Variants in PCDH9 observed in about 807,000 individuals in gnomAD.
PCDH9 encodes the protein protocadherin 9, also known as protocadherin-9.
Under a neutral mutation model 70.6 loss-of-function variants are expected in PCDH9, and 24 were observed. The observed-to-expected ratio is 0.34, with a 90% CI of 0.25 to 0.48. The LOEUF (loss-of-function observed/expected upper bound fraction) is 0.48. Among genes scored for constraint, PCDH9 ranks in the 20% least tolerant of loss-of-function variants. The pLI, the probability that PCDH9 is intolerant of heterozygous loss-of-function variation, is 0.99. For missense variants in PCDH9, 1,281 were observed against 1,503.6 expected (o/e 0.85, Z 2.45); for synonymous variants, 562 against 558.5 (o/e 1.01, Z -0.09).
intron 2 of PCDH9, among the ~76,000 whole-genome samples, chr13:67,098,767 T>C (rs1432324800): frequency 5.3e-5 from 8 of 151,562 alleles, no homozygotes; most frequent in Non-Finnish European, 1.2e-4. Flanking sequence ...TGCAGAATAA[T>C]ATAGAAAAGA....
At chr13:67,217,799 T>C (rs905709501) in intron 2 of PCDH9, 9 of 151,970 alleles carry the variant, frequency 5.9e-5, no homozygotes, top group Admixed American at 4.6e-4. Context: ...GCATACACAA[T>C]TGAGAGTTTC....
intron 3 of PCDH9, chr13:66,825,336 T>TTTC (rs2139392093): frequency 1.5e-5 from 2 of 133,428 alleles, no homozygotes; most frequent in Non-Finnish European, 3.1e-5. Context: ...TATAAAAACT[T>TTTC]TTTTTTTTTT....
chr13:67,168,078 C>T (rs1437596026), intron 2 of PCDH9, among the ~76,000 whole-genome samples: 1 of 152,132 alleles, frequency 6.6e-6, no homozygotes, highest in African/African-American at 2.4e-5. Context: ...GAGAAGAAAA[C>T]ATACTGATAA....
chr13:66,629,480 G>A (rs191202949), intron 4 of PCDH9, among the ~76,000 whole-genome samples: 23 of 152,304 alleles, frequency 1.5e-4, no homozygotes, highest in Admixed American at 7.2e-4. Flanking sequence ...CAGAAGTCTG[G>A]AGAAGGTTGA....
intron 4 of PCDH9, among the ~76,000 whole-genome samples, chr13:66,468,489 A>T (rs1246644589): frequency 1.3e-5 from 2 of 152,190 alleles, no homozygotes; most frequent in Non-Finnish European, 2.9e-5. Flanking sequence ...CATTTTTATT[A>T]ACCTACTCTC....
intron 4 of PCDH9, among the ~76,000 whole-genome samples, chr13:66,352,955 T>C (rs1810125960): frequency 6.6e-6 from 1 of 152,130 alleles, no homozygotes; most frequent in Admixed American, 6.6e-5. Flanking sequence ...ATGATAGCCA[T>C]GACCTAATGC....
intron 3 of PCDH9, among the ~76,000 whole-genome samples, chr13:66,733,187 T>G (rs1315034927): frequency 1.3e-5 from 2 of 152,112 alleles, no homozygotes; most frequent in Non-Finnish European, 2.9e-5. Context: ...TTTTATAAAC[T>G]TAGTCATTAG....
intron 3 of PCDH9, among the ~76,000 whole-genome samples, chr13:66,801,349 T>C (rs2080323459): frequency 6.6e-6 from 1 of 152,098 alleles, no homozygotes; most frequent in Non-Finnish European, 1.5e-5. Context: ...TTCCTGTGTG[T>C]TCTAGGACAA....
At chr13:66,865,900 T>C (rs1195076751) in intron 3 of PCDH9, among the ~76,000 whole-genome samples, 1 of 152,252 alleles carries the variant, frequency 6.6e-6, no homozygotes, top group African/African-American at 2.4e-5. Flanking sequence ...GAAATGTATA[T>C]GGCCTGTGTA....
intron 3 of PCDH9, among the ~76,000 whole-genome samples, chr13:66,839,599 C>T (rs1015316173): frequency 2.0e-5 from 3 of 152,180 alleles, no homozygotes; most frequent in Admixed American, 6.5e-5. Flanking sequence ...ATCTTCATCT[C>T]CCTGTCTCCA....
chr13:67,205,735 ACTCT>A (rs1033671923), intron 2 of PCDH9: 2 of 152,136 alleles, frequency 1.3e-5, no homozygotes, highest in African/African-American at 2.4e-5. Flanking sequence ...TGCATCCATA[ACTCT>A]CTATTTCATT....
At chr13:67,142,559 A>G (rs912419824) in intron 2 of PCDH9, among the ~76,000 whole-genome samples, 18 of 152,190 alleles carry the variant, frequency 1.2e-4, no homozygotes, top group African/African-American at 4.1e-4. Flanking sequence ...TATGTGCTCA[A>G]TAGAATGTGA....
chr13:66,675,339 T>A (rs1352373977), intron 3 of PCDH9, among the ~76,000 whole-genome samples: 1 of 152,140 alleles, frequency 6.6e-6, no homozygotes, highest in African/African-American at 2.4e-5. Context: ...TGTCACGCAA[T>A]TTAAAATAAT....
At chr13:66,408,434 A>AT (rs1343547011) in intron 4 of PCDH9, among the ~76,000 whole-genome samples, 2 of 152,206 alleles carry the variant, frequency 1.3e-5, no homozygotes, top group Non-Finnish European at 2.9e-5. Context: ...TTTTCTCTGG[A>AT]TATACATTTT....
intron 2 of PCDH9, among the ~76,000 whole-genome samples, chr13:67,198,207 G>A (rs921066789): frequency 6.6e-5 from 10 of 151,404 alleles, no homozygotes; most frequent in African/African-American, 2.2e-4. Flanking sequence ...TTGCAAATAT[G>A]TCAAGGGGAA....
chr13:66,788,623 T>C lies in PCDH9; in HGVS notation c.3138+114881A>G, dbSNP rs866645304. On this transcript the variant is annotated intron_variant, in intron 3 of 4. Transcript: ENST00000377865. ...CAGGTTGAAACTTCAGTCTATCATCTCCCAGGGTACAAAGCTAAACAGTAA... is the reference window on the plus strand; with the variant it reads ...CAGGTTGAAACTTCAGTCTATCATCCCCCAGGGTACAAAGCTAAACAGTAA... 3.7e-3 allele frequency among the ~76,000 whole-genome samples: 537 copies of C among 147,054 alleles called. 16 individuals are homozygous for C. The highest frequency in any genetic ancestry group is 1.2e-3 in the East Asian group (6 of 4,830).
At chr13:66,525,151 CCTT>C (rs1446742277) in intron 4 of PCDH9, among the ~76,000 whole-genome samples, 1 of 152,016 alleles carries the variant, frequency 6.6e-6, no homozygotes, top group African/African-American at 2.4e-5. Flanking sequence ...CTCTCATTTC[CCTT>C]CTCTACAACG....
At chr13:67,012,160 G>T (rs185916746) in intron 2 of PCDH9, among the ~76,000 whole-genome samples, 101 of 151,642 alleles carry the variant, frequency 6.7e-4, no homozygotes, top group African/African-American at 2.4e-3. Context: ...TTTATTCAAA[G>T]AACCAACTTT....
At chr13:66,359,593 C>T (rs375599490) in intron 4 of PCDH9, among the ~76,000 whole-genome samples, 1 of 151,942 alleles carries the variant, frequency 6.6e-6, no homozygotes, top group African/African-American at 2.4e-5. Flanking sequence ...TCCATCCTGT[C>T]GGCACAGAAA....
Sources: gnomAD v4.1 joint callset for allele counts (sites outside exome capture counted in the v4.1 genomes callset) on GRCh38, gnomAD v4.1.1 for gene constraint, MANE v1.5 for transcripts, NCBI Gene and HGNC (gene_info 2026-07-23, HGNC 2026-07-21) for gene names.